SUGCT: variants seen among roughly 807,000 people sequenced by gnomAD.
SUGCT encodes succinyl-CoA:glutarate CoA-transferase.
SUGCT carries 41 observed loss-of-function variants against 55.0 expected under a neutral mutation model. That is an observed-to-expected ratio of 0.74 (90% CI 0.58 to 0.97). SUGCT has a LOEUF of 0.97. Among genes scored for constraint, SUGCT ranks in the 50% least tolerant of loss-of-function variants. SUGCT has a pLI of 0.00. For missense variants in SUGCT, 568 were observed against 547.8 expected (o/e 1.04, Z -0.37); for synonymous variants, 187 against 200.4 (o/e 0.93, Z 0.56).
At chr7:40,907,397 G>C in the SUGCT span, among the ~76,000 whole-genome samples, 1 of 152,114 alleles carries the variant, frequency 6.6e-6, no homozygotes, top group African/African-American at 2.4e-5. Context: ...CTAATTGCAA[G>C]GCAAGGCCCA....
chr7:40,289,091 C>T lies in SUGCT; in HGVS notation c.720+14435C>T, dbSNP rs150464737. On this transcript the variant is annotated intron_variant, in intron 8 of 13. Coordinates refer to ENST00000335693, the MANE Select transcript of SUGCT (RefSeq NM_001193313.2). Reference sequence around the variant, plus strand: ...TGAAAATAGTCTCCAAAGATGTCAACGTCCTTATCCCCAGAACCTATGAAT... The same window carrying T: ...TGAAAATAGTCTCCAAAGATGTCAATGTCCTTATCCCCAGAACCTATGAAT... Among the ~76,000 whole-genome samples, 728 of 152,292 alleles carry T rather than the reference C, an allele frequency of 4.8e-3. 7 individuals are homozygous for T. Among genetic ancestry groups the T allele is most frequent in the African/African-American group, 0.017 (690 of 41,552 alleles).
intron 6 of SUGCT, among the ~76,000 whole-genome samples, chr7:40,235,036 G>A (rs574184035): frequency 1.3e-5 from 2 of 152,148 alleles, no homozygotes; most frequent in South Asian, 2.1e-4. Flanking sequence ...GAAGTTGACC[G>A]ATGGGTTTAT....
At chr7:40,512,802 C>T (rs939716356) in intron 12 of SUGCT, among the ~76,000 whole-genome samples, 4 of 151,748 alleles carry the variant, frequency 2.6e-5, no homozygotes, top group African/African-American at 9.7e-5. Flanking sequence ...GTATGCATGG[C>T]CAGAGGATAG....
intron 9 of SUGCT, among the ~76,000 whole-genome samples, chr7:40,391,661 T>C (rs998455554): frequency 6.6e-6 from 1 of 152,070 alleles, no homozygotes; most frequent in East Asian, 1.9e-4. Context: ...TGTGGAGAAA[T>C]AGGAACACTT....
intron 9 of SUGCT, among the ~76,000 whole-genome samples, chr7:40,399,614 T>C (rs1413040082): frequency 6.6e-6 from 1 of 152,216 alleles, no homozygotes; most frequent in Non-Finnish European, 1.5e-5. Context: ...TTGTTTCTCC[T>C]TGGGTCTTAT....
the SUGCT span, among the ~76,000 whole-genome samples, chr7:40,926,293 T>C: frequency 1.3e-5 from 2 of 152,014 alleles, no homozygotes; most frequent in Non-Finnish European, 2.9e-5. Flanking sequence ...CTCTTGAGAA[T>C]TGGGTAAGAT....
intron 9 of SUGCT, among the ~76,000 whole-genome samples, chr7:40,323,734 T>G (rs2151128821): frequency 6.6e-6 from 1 of 152,280 alleles, no homozygotes; most frequent in South Asian, 2.1e-4. Flanking sequence ...GCCTTTATAC[T>G]CAACTGGCAA....
intron 11 of SUGCT, among the ~76,000 whole-genome samples, chr7:40,478,868 A>G (rs1790859180): frequency 6.6e-6 from 1 of 152,146 alleles, no homozygotes; most frequent in Admixed American, 6.6e-5. Flanking sequence ...TTAATATACC[A>G]TATAATGTCA....
At chr7:40,854,844 CA>C (rs954578806) in intron 13 of SUGCT, among the ~76,000 whole-genome samples, 1 of 151,826 alleles carries the variant, frequency 6.6e-6, no homozygotes, top group African/African-American at 2.4e-5. Flanking sequence ...GCTAAAGTGA[CA>C]AGATCCCGTG....
the SUGCT span, among the ~76,000 whole-genome samples, chr7:40,981,805 T>A: frequency 6.6e-6 from 1 of 152,210 alleles, no homozygotes; most frequent in South Asian, 2.1e-4. Flanking sequence ...TCCAATAACA[T>A]GTTCTTCATT....
chr7:40,643,902 G>A, intron 12 of SUGCT, among the ~76,000 whole-genome samples: 1 of 152,286 alleles, frequency 6.6e-6, no homozygotes, highest in East Asian at 1.9e-4. Context: ...CCTGGGGCTT[G>A]CTTTCTGTCA....
At chr7:40,947,485 G>A in the SUGCT span, among the ~76,000 whole-genome samples, 1 of 148,594 alleles carries the variant, frequency 6.7e-6, no homozygotes, top group Non-Finnish European at 1.5e-5. Flanking sequence ...TTTGCATGTG[G>A]GCCATACTTT....
At chr7:41,032,312 A>C in the SUGCT span, among the ~76,000 whole-genome samples, 1 of 152,144 alleles carries the variant, frequency 6.6e-6, no homozygotes. Flanking sequence ...CTACATTTTA[A>C]AAATAAAAGC....
At chr7:41,014,714 T>C in the SUGCT span, among the ~76,000 whole-genome samples, 1 of 152,200 alleles carries the variant, frequency 6.6e-6, no homozygotes, top group Non-Finnish European at 1.5e-5. Flanking sequence ...AAAAGAAAAC[T>C]TGGGAGCACA....
At chr7:40,461,676 G>A (rs1050906120) in intron 11 of SUGCT, among the ~76,000 whole-genome samples, 1 of 152,100 alleles carries the variant, frequency 6.6e-6, no homozygotes, top group Non-Finnish European at 1.5e-5. Context: ...CAACATTCTC[G>A]TCTTGCTCAG....
chr7:40,460,777 C>T (rs1003997354), intron 11 of SUGCT, among the ~76,000 whole-genome samples: 3 of 152,166 alleles, frequency 2.0e-5, no homozygotes, highest in Non-Finnish European at 4.4e-5. Flanking sequence ...TAATCTGCAA[C>T]CTTCTTCTTT....
chr7:40,155,113 C>T lies in SUGCT; in HGVS notation c.100+19993C>T, dbSNP rs553542511. On this transcript the variant is annotated intron_variant, in intron 1 of 13. Transcript: ENST00000335693. ...CCAGCCTCGCCAACATGGGAAACCC[C>T]GTCTCTACTAAAAATAAAAAAATTA... Among the ~76,000 whole-genome samples the T allele has an allele frequency of 5.9e-5, 9 of 152,092 alleles. No individual in the cohort carries two copies. In the South Asian group the frequency reaches 1.2e-3, roughly 21 times the overall value.
At chr7:40,669,895 A>C (rs1364725766) in intron 12 of SUGCT, among the ~76,000 whole-genome samples, 1 of 151,984 alleles carries the variant, frequency 6.6e-6, no homozygotes, top group East Asian at 1.9e-4. Flanking sequence ...ATTTGATGAA[A>C]AGCTCACCAA....
At chr7:40,880,993 A>T in the SUGCT span, among the ~76,000 whole-genome samples, 1 of 152,252 alleles carries the variant, frequency 6.6e-6, no homozygotes, top group African/African-American at 2.4e-5. Context: ...TTGTACAAGC[A>T]TATGTGTCTC....
Sources: allele counts gnomAD v4.1 joint callset (sites outside exome capture counted in the v4.1 genomes callset), GRCh38; gene constraint gnomAD v4.1.1; transcripts MANE v1.5; gene names NCBI Gene and HGNC (gene_info 2026-07-23, HGNC 2026-07-21).